Variants in FLACC1 observed in about 807,000 individuals in gnomAD.
FLACC1 encodes flagellum associated containing coiled-coil domains 1, also known as flagellum-associated coiled-coil domain-containing protein 1.
A neutral mutation model predicts 62.8 loss-of-function variants in FLACC1; 66 were observed. That is an observed-to-expected ratio of 1.05 (90% confidence interval 0.86 to 1.29). FLACC1 has a LOEUF of 1.29. Ranked by LOEUF, FLACC1 falls within the 50% of genes most tolerant of loss-of-function variation. The probability of loss-of-function intolerance (pLI) is 0.00; values close to 1 mark genes in which losing one functional copy is unlikely to be tolerated. For synonymous variants in FLACC1, 156 were observed against 161.0 expected, an observed-to-expected ratio of 0.97 and a Z score of 0.24; for missense variants, 452 against 489.1, an observed-to-expected ratio of 0.92 and a Z score of 0.71.
At position 201,299,317 on chromosome 2, in the gene FLACC1, T is replaced by C. The variant is rs1033654060; in HGVS notation, c.880-17A>G. On this transcript the variant is annotated splice_polypyrimidine_tract_variant and intron_variant, in intron 11 of 14. Coordinates refer to ENST00000392257, the MANE Select transcript of FLACC1 (RefSeq NM_001127391.3). Reference sequence around the variant, plus strand: ...CAAGAGCTCCTAAAAACAATTTTATTGGGAAAAGGTTAGCACTGTGGTTCT... The same window carrying C: ...CAAGAGCTCCTAAAAACAATTTTATCGGGAAAAGGTTAGCACTGTGGTTCT... The C allele has an allele frequency of 1.2e-6, 2 of 1,611,264 alleles. No individual in the cohort carries two copies. The highest frequency in any genetic ancestry group is 8.5e-7 in the Non-Finnish European group (1 of 1,177,804).
chr2:201,293,001 G>A lies in FLACC1; in HGVS notation c.943-3216C>T, dbSNP rs192577855. On this transcript the variant is annotated intron_variant, in intron 12 of 14. Coordinates refer to ENST00000392257, the MANE Select transcript of FLACC1 (RefSeq NM_001127391.3). ...CCTAAATATATATGCACCCAATACA[G>A]GAGCAGCCAGATTCATAAAGTAAGT... Among the ~76,000 whole-genome samples, 706 of 152,254 alleles carry A rather than the reference G, an allele frequency of 4.6e-3. 2 individuals are homozygous for A. The highest frequency in any genetic ancestry group is 7.5e-3 in the Non-Finnish European group (510 of 68,024).
intron 9 of FLACC1, among the ~76,000 whole-genome samples, chr2:201,323,139 A>C (rs1950436801): frequency 6.6e-6 from 1 of 152,222 alleles, no homozygotes; most frequent in Non-Finnish European, 1.5e-5. Context: ...CAGAGGAAGA[A>C]GAGAAAATAA....
At chr2:201,350,157 G>A (rs927740065) in intron 3 of FLACC1, among the ~76,000 whole-genome samples, 14 of 152,268 alleles carry the variant, frequency 9.2e-5, no homozygotes, top group Non-Finnish European at 1.8e-4. Context: ...GGCTGAGGAG[G>A]GCTGGTCACT....
rs1413803869 is a variant in FLACC1 at position 201,307,611 on chromosome 2, T to G, written c.787A>C (p.Thr263Pro). 2 of 1,613,210 alleles carry G rather than the reference T, an allele frequency of 1.2e-6. No homozygotes were observed. Among genetic ancestry groups the G allele is most frequent in the Admixed American group, 1.7e-5 (1 of 60,030 alleles). ...CCTGACTCCATTTCGAATTTTTTGG[T>G]CATCTTTTTTTCTGTGGAAGTGACA... is the stretch of plus-strand genomic sequence containing the variant. ...NILLQQKKKM[T>P]KKFEMESGEE... Residue 263 changes from threonine to proline, a missense_variant, in exon 11 of 15, where the codon ACC (threonine) becomes CCC (proline). Transcript: ENST00000392257.
At chr2:201,334,939 G>A (rs548623061) in intron 7 of FLACC1, among the ~76,000 whole-genome samples, 101 of 152,108 alleles carry the variant, frequency 6.6e-4, no homozygotes, top group African/African-American at 2.0e-3. Context: ...TTTTTGGATG[G>A]TAGGCTTTTT....
intron 5 of FLACC1, among the ~76,000 whole-genome samples, chr2:201,345,558 A>T (rs993080548): frequency 1.3e-5 from 2 of 151,980 alleles, no homozygotes; most frequent in African/African-American, 2.4e-5. Context: ...CAGCAAAATC[A>T]GCCTGAGGGA....
upstream of FLACC1, among the ~76,000 whole-genome samples, chr2:201,358,757 T>C (rs1951157066): frequency 6.6e-6 from 1 of 152,120 alleles, no homozygotes; most frequent in Non-Finnish European, 1.5e-5. Flanking sequence ...CATGAGGCCT[T>C]GCTATGTTGT....
In FLACC1 at chr2:201,289,724, T is replaced by C. The variant is rs779527855; in HGVS notation, c.1004A>G (p.Tyr335Cys). ...TTTCTGGAGTTCCAACTGGGTATAG[T>C]AGAGGTTTGTGTTCAGTGACTCTAG... is the stretch of plus-strand genomic sequence containing the variant. Reference protein sequence around the residue: ...LILESLNTNLYYTQLELQKEK... With the variant: ...LILESLNTNLCYTQLELQKEK... Residue 335 changes from tyrosine (Y) to cysteine (C), a missense_variant, in exon 13 of 15, where the codon TAC becomes TGC. By Grantham distance (194) the Tyr-to-Cys change is radical. Transcript: ENST00000392257. 3 of 1,613,996 alleles carry C rather than the reference T, an allele frequency of 1.9e-6. No individual in the cohort carries two copies. The highest frequency in any genetic ancestry group is 2.5e-6 in the Non-Finnish European group (3 of 1,179,990).
At position 201,342,280 on chromosome 2, in the gene FLACC1, A is replaced by G. The variant is rs1240171561; in HGVS notation, c.524+90T>C. On this transcript the variant is annotated intron_variant, in intron 7 of 14. Transcript: ENST00000392257. ...TCATCCCCCAACTCCATTTAGAACT[A>G]TTTGAAGTCCCAGTGAACTAAAATC... is the stretch of plus-strand genomic sequence containing the variant. 2.2e-6 allele frequency: 3 copies of G among 1,342,126 alleles called. No individual in the cohort carries two copies. The East Asian group carries it at 7.0e-5, about 31-fold the overall frequency. The allele number at this position is 1,342,126 out of a possible 1,614,324, so 83.1% of individuals were successfully genotyped here.
At chr2:201,307,825 C>T (rs892999546) in intron 10 of FLACC1, among the ~76,000 whole-genome samples, 2 of 152,198 alleles carry the variant, frequency 1.3e-5, no homozygotes, top group African/African-American at 4.8e-5. Context: ...TCACATTAGT[C>T]ATATGGGATT....
chr2:201,336,991 C>T (rs546092060), intron 7 of FLACC1, among the ~76,000 whole-genome samples: 1 of 150,694 alleles, frequency 6.6e-6, no homozygotes, highest in African/African-American at 2.4e-5. Flanking sequence ...ATGTCCTTTA[C>T]CCATTTTTAA....
upstream of FLACC1, chr2:201,357,502 A>G (rs750995371): frequency 6.6e-6 from 1 of 152,242 alleles, no homozygotes; most frequent in Non-Finnish European, 1.5e-5. Flanking sequence ...ATCAGTGACC[A>G]CCCTCAACAG....
intron 12 of FLACC1, among the ~76,000 whole-genome samples, chr2:201,293,823 A>T (rs1052608176): frequency 6.6e-6 from 1 of 152,070 alleles, no homozygotes; most frequent in African/African-American, 2.4e-5. Flanking sequence ...GACGCAAAAA[A>T]AAACGATAAA....
intron 11 of FLACC1, 131 bp from the exon 12 acceptor site, chr2:201,299,431 A>G: frequency 1.6e-6 from 1 of 637,060 alleles, no homozygotes; most frequent in Non-Finnish European, 2.7e-6. Context: ...AATGAAGCAC[A>G]CATTATAAAC....
At chr2:201,289,972 AC>A in intron 12 of FLACC1, 187 bp from the exon 13 acceptor site, 1 of 991,358 alleles carries the variant, frequency 1.0e-6, no homozygotes, top group Non-Finnish European at 1.5e-6. Flanking sequence ...CTTCAGCCTC[AC>A]CAGAGCTCAT....
At chr2:201,356,570 T>A (rs1308674550) in intron 1 of FLACC1, among the ~76,000 whole-genome samples, 1 of 152,228 alleles carries the variant, frequency 6.6e-6, no homozygotes, top group East Asian at 1.9e-4. Flanking sequence ...TCCAGAAATG[T>A]TGTGAGTGCA....
At chr2:201,334,526 G>A (rs1576459583) in intron 7 of FLACC1, among the ~76,000 whole-genome samples, 2 of 152,300 alleles carry the variant, frequency 1.3e-5, no homozygotes, top group East Asian at 1.9e-4. Context: ...GCTCATGCCT[G>A]TAATCTCAGC....
intron 11 of FLACC1, among the ~76,000 whole-genome samples, chr2:201,303,852 A>C (rs1950043838): frequency 6.6e-6 from 1 of 152,260 alleles, no homozygotes; most frequent in Non-Finnish European, 1.5e-5. Context: ...CAATAGATGC[A>C]GAAAAGGCCT....
chr2:201,330,661 T>TCA (rs1288366685), intron 8 of FLACC1, 75 bp downstream of exon 8: 18 of 1,559,056 alleles, frequency 1.2e-5, no homozygotes, highest in Non-Finnish European at 1.6e-5. Flanking sequence ...GCCTTGGAAA[T>TCA]CACCCTAGAA....
Sources: gnomAD v4.1 joint callset for allele counts (sites outside exome capture counted in the v4.1 genomes callset) on GRCh38, gnomAD v4.1.1 for gene constraint, MANE v1.5 for transcripts, NCBI Gene and HGNC (gene_info 2026-07-23, HGNC 2026-07-21) for gene names.